The following ATRNL1 variants were observed in gnomAD, a reference collection of about 807,000 sequenced individuals.
ATRNL1 encodes the protein attractin like 1.
In ATRNL1, 95 loss-of-function variants were observed where a neutral mutation model predicts 182.7. The observed-to-expected ratio is 0.52, with a 90% CI of 0.44 to 0.62. The LOEUF (loss-of-function observed/expected upper bound fraction) is 0.62. Ranked by LOEUF, ATRNL1 falls within the 20% of genes least tolerant of loss-of-function variation. ATRNL1 has a pLI of 0.00. For synonymous variants in ATRNL1, 576 were observed against 568.3 expected (o/e 1.01, Z -0.19); for missense variants, 1,471 against 1,679.5 (o/e 0.88, Z 2.17).
At chr10:115,938,205 C>T (rs901627948) in intron 28 of ATRNL1, among the ~76,000 whole-genome samples, 4 of 152,194 alleles carry the variant, frequency 2.6e-5, no homozygotes, top group Non-Finnish European at 5.9e-5. Context: ...GTAAAAAACA[C>T]ACATCAGTAA....
At chr10:115,601,713 A>G (rs969092839) in intron 26 of ATRNL1, among the ~76,000 whole-genome samples, 7 of 152,122 alleles carry the variant, frequency 4.6e-5, no homozygotes, top group Non-Finnish European at 1.0e-4. Context: ...TTTGCACAAC[A>G]TATCATTTTT....
At position 115,647,953 on chromosome 10, in the gene ATRNL1, A is replaced by T. The variant is rs1859738760; in HGVS notation, c.3796-79295A>T. On this transcript the variant is annotated intron_variant, in intron 26 of 28. Transcript: ENST00000355044. ...GGTCTAACATTTAAGTCTTTAATCC[A>T]TCTTGAATTAATTTTAGTATAAGCT... 2.0e-5 allele frequency among the ~76,000 whole-genome samples: 3 copies of T among 152,134 alleles called. No individual in the cohort carries two copies. The South Asian group carries it at 6.2e-4, about 32-fold the overall frequency.
At position 115,334,262 on chromosome 10, in the gene ATRNL1, C is replaced by A. The variant is rs376521892; in HGVS notation, c.3038-20C>A. On this transcript the variant is annotated intron_variant, in intron 18 of 28. Transcript: ENST00000355044. ...GATATTATGTTAGATATTTGTAATG[C>A]TTTTTACTGTTTCCTTTAGCTTGCC... 3 of 1,439,474 alleles carry A rather than the reference C, an allele frequency of 2.1e-6. No individual in the cohort carries two copies. The highest frequency in any genetic ancestry group is 1.9e-6 in the Non-Finnish European group (2 of 1,066,186). The allele number at this position is 1,439,474 out of a possible 1,614,324, so 89.2% of individuals were successfully genotyped here. A position where few individuals can be genotyped will look rare whatever the true frequency, so the allele number is the denominator to read the frequency against.
At chr10:115,412,035 G>A (rs12098502) in intron 20 of ATRNL1, among the ~76,000 whole-genome samples, 2,074 of 152,152 alleles carry the variant, frequency 0.014, 50 homozygotes, top group African/African-American at 0.046. Context: ...AGAAAATAAT[G>A]CAAAGTTAAT....
intron 20 of ATRNL1, among the ~76,000 whole-genome samples, chr10:115,414,018 T>C (rs1255819865): frequency 1.3e-5 from 2 of 152,106 alleles, no homozygotes. Context: ...AACTTCCAAT[T>C]CGGATCTATT....
chr10:115,438,531 AC>A (rs1216032484), intron 21 of ATRNL1, among the ~76,000 whole-genome samples: 2 of 151,922 alleles, frequency 1.3e-5, no homozygotes, highest in Non-Finnish European at 2.9e-5. Flanking sequence ...ACTTCTTTAA[AC>A]ATCTTGTATA....
At chr10:115,149,171 G>C (rs782308748) in intron 5 of ATRNL1, among the ~76,000 whole-genome samples, 10 of 152,094 alleles carry the variant, frequency 6.6e-5, no homozygotes, top group Non-Finnish European at 1.5e-4. Flanking sequence ...TTATTACGCA[G>C]ATGGGGTCTT....
chr10:115,107,858 C>T (rs1353881648), intron 1 of ATRNL1, among the ~76,000 whole-genome samples: 2 of 152,102 alleles, frequency 1.3e-5, no homozygotes, highest in East Asian at 3.9e-4. Flanking sequence ...GGAAGCTGTG[C>T]CAGAATGCAG....
chr10:115,459,723 T>C (rs1847701516), intron 21 of ATRNL1, among the ~76,000 whole-genome samples: 1 of 152,154 alleles, frequency 6.6e-6, no homozygotes, highest in African/African-American at 2.4e-5. Flanking sequence ...TGTTAAGTAC[T>C]TGATGTCTGT....
At chr10:115,226,016 C>G (rs139836251) in intron 9 of ATRNL1, among the ~76,000 whole-genome samples, 241 of 151,408 alleles carry the variant, frequency 1.6e-3, no homozygotes, top group African/African-American at 5.5e-3. Flanking sequence ...TGGAGGAGTT[C>G]TCTATCAGAT....
intron 27 of ATRNL1, among the ~76,000 whole-genome samples, chr10:115,829,345 A>C (rs544782274): frequency 2.1e-4 from 32 of 152,236 alleles, no homozygotes; most frequent in African/African-American, 7.0e-4. Flanking sequence ...TGGAGTTTTT[A>C]TAGGGAAGAG....
At chr10:115,611,683 A>G (rs1857166034) in intron 26 of ATRNL1, among the ~76,000 whole-genome samples, 1 of 152,100 alleles carries the variant, frequency 6.6e-6, no homozygotes, top group Non-Finnish European at 1.5e-5. Flanking sequence ...CATCTAATGC[A>G]TATAGACATA....
chr10:115,759,427 C>A (rs1555072962), intron 27 of ATRNL1, among the ~76,000 whole-genome samples: 1 of 152,100 alleles, frequency 6.6e-6, no homozygotes, highest in Non-Finnish European at 1.5e-5. Context: ...GCCAGGAACA[C>A]ACTTGCTCCA....
At chr10:115,834,740 A>G (rs968052817) in intron 27 of ATRNL1, among the ~76,000 whole-genome samples, 2 of 152,048 alleles carry the variant, frequency 1.3e-5, no homozygotes, top group Non-Finnish European at 2.9e-5. Context: ...ACCTTCCCCT[A>G]CTACCTTCCA....
At chr10:115,547,099 C>T (rs1419407226) in intron 25 of ATRNL1, among the ~76,000 whole-genome samples, 1 of 151,338 alleles carries the variant, frequency 6.6e-6, no homozygotes, top group Non-Finnish European at 1.5e-5. Context: ...ACTAAAAATA[C>T]AAAAAAATTA....
At chr10:115,333,485 C>CT (rs35581763) in intron 18 of ATRNL1, among the ~76,000 whole-genome samples, 87,551 of 138,290 alleles carry the variant, frequency 0.63, 27,985 homozygotes, top group East Asian at 0.79. Flanking sequence ...TTCAAAAGTA[C>CT]TTTTTTTTTT....
chr10:115,132,299 T>A (rs1592143779), intron 5 of ATRNL1, among the ~76,000 whole-genome samples: 1 of 152,144 alleles, frequency 6.6e-6, no homozygotes, highest in Admixed American at 6.5e-5. Context: ...CATGGTGTAT[T>A]TGTGCCACAT....
At chr10:115,483,205 C>G (rs1178111524) in intron 24 of ATRNL1, among the ~76,000 whole-genome samples, 1 of 151,234 alleles carries the variant, frequency 6.6e-6, no homozygotes, top group African/African-American at 2.4e-5. Flanking sequence ...AAATTAGTTC[C>G]ATCATTTATT....
intron 21 of ATRNL1, among the ~76,000 whole-genome samples, chr10:115,429,217 CTTG>C (rs1846038421): frequency 6.6e-6 from 1 of 151,822 alleles, no homozygotes; most frequent in Non-Finnish European, 1.5e-5. Flanking sequence ...GTTTTCTACT[CTTG>C]TTTGATATAT....
Sources: allele counts gnomAD v4.1 joint callset (sites outside exome capture counted in the v4.1 genomes callset), GRCh38; gene constraint gnomAD v4.1.1; transcripts MANE v1.5; gene names NCBI Gene and HGNC (gene_info 2026-07-23, HGNC 2026-07-21).